The following WASHC5 variants were observed in gnomAD, a reference collection of about 807,000 sequenced individuals.
WASHC5 encodes WASH complex subunit 5, also known as WASH complex subunit strumpellin.
In WASHC5, 101 loss-of-function variants were observed where a neutral mutation model predicts 150.4. The observed-to-expected ratio is 0.67, with a 90% CI of 0.57 to 0.79. The LOEUF is 0.79. WASHC5 is among the 30% of genes least tolerant of loss of function. The pLI is 0.00. For missense variants in WASHC5, 1,195 were observed against 1,396.3 expected (o/e 0.86, Z 2.30); for synonymous variants, 467 against 491.2 (o/e 0.95, Z 0.65).
chr8:125,076,651 G>T, intron 6 of WASHC5, 151 bp from the exon 7 acceptor site: 9 of 796,446 alleles, frequency 1.1e-5, no homozygotes, highest in Non-Finnish European at 1.8e-5. Flanking sequence ...TTCTCAGACT[G>T]TACCATTGCT....
chr8:125,024,653 A>G lies in WASHC5; in HGVS notation c.3444T>C (p.Pro1148=), dbSNP rs1160883454. Residue 1148 remains proline, a synonymous_variant, in exon 29 of 29, where the codon CCT becomes CCC. Coordinates refer to ENST00000318410, the MANE Select transcript of WASHC5 (RefSeq NM_014846.4). ...TTCTGAACTCATCAAAAATGAAATT[A>G]GGCACATGTGCTTCAGCAACCTGAA... The part of the protein sequence containing the change: ...LPRRVAEAHV[P]NFIFDEFRTV... 6.2e-7 allele frequency: 1 copy of G among 1,610,732 alleles called. No individual in the cohort carries two copies. Among genetic ancestry groups the G allele is most frequent in the African/African-American group, 1.3e-5 (1 of 74,872 alleles).
At chr8:125,036,883 C>T (rs569853468) in intron 26 of WASHC5, among the ~76,000 whole-genome samples, 2 of 152,016 alleles carry the variant, frequency 1.3e-5, no homozygotes, top group South Asian at 2.1e-4. Flanking sequence ...CGTGGTAGTA[C>T]GTGCCTGTAA....
At position 125,077,295 on chromosome 8, in the gene WASHC5, C is replaced by T. The variant is rs556477356; in HGVS notation, c.712-795G>A. On this transcript the variant is annotated intron_variant, in intron 6 of 28. Transcript: ENST00000318410. ...AACCGGAATGCCTTCGCTCTTTCTC[C>T]CCTTGATGTGTTGGCCCACCTTTTC... is the stretch of plus-strand genomic sequence containing the variant. 1.6e-4 allele frequency among the ~76,000 whole-genome samples: 25 copies of T among 152,336 alleles called. No individual in the cohort carries two copies. In the South Asian group the frequency reaches 5.0e-3, roughly 30 times the overall value.
chr8:125,063,641 TGCTTGAA>T lies in WASHC5; in HGVS notation c.1282_1288del (p.Phe428LysfsTer21). On this transcript the variant is annotated frameshift_variant, in exon 11 of 29. Transcript: ENST00000318410. LOFTEE classifies it high-confidence loss of function. ...TTTGGTTTGCTTTTCTGAAAGCATT[TGCTTGAA>T]CATCTGTTGAAGCAACAGAAAATAT... is the stretch of plus-strand genomic sequence containing the variant. The T allele has an allele frequency of 6.2e-7, 1 of 1,613,878 alleles. No individual in the cohort carries two copies. Among genetic ancestry groups the T allele is most frequent in the Non-Finnish European group, 8.5e-7 (1 of 1,179,768 alleles).
In WASHC5 at chr8:125,024,753, T is replaced by C. The variant is rs1031281519; in HGVS notation, c.3424-80A>G. On this transcript the variant is annotated intron_variant, in intron 28 of 28. Coordinates refer to ENST00000318410, the MANE Select transcript of WASHC5 (RefSeq NM_014846.4). ...ATTTTCATACGTAAAAGAAAAGATA[T>C]CCTTGGAGCAAGGTGAATAATAGAA... 12 of 954,670 alleles carry C rather than the reference T, an allele frequency of 1.3e-5. No individual in the cohort carries two copies. In the Admixed American group the frequency reaches 1.4e-4, roughly 11 times the overall value. The allele number at this position is 954,670 out of a possible 1,614,324, so 59.1% of individuals were successfully genotyped here. A position where few individuals can be genotyped will look rare whatever the true frequency, so the allele number is the denominator to read the frequency against.
At position 125,079,116 on chromosome 8, in the gene WASHC5, G is replaced by GTATATATATA. The variant is rs57043871; in HGVS notation, c.519-196_519-187dup. 0.017 allele frequency among the ~76,000 whole-genome samples: 1,678 copies of GTATATATATA among 97,826 alleles called. 45 individuals carry two copies. The highest frequency in any genetic ancestry group is 0.052 in the African/African-American group (1,126 of 21,702). 64.2% of individuals were successfully genotyped at this position (97,826 alleles called of 152,430 possible). ...TGTGTATATATATGTGTGTGTGTGT[G>GTATATATATA]TATATATATATATATATATATATAC... On this transcript the variant is annotated intron_variant, in intron 5 of 28. Coordinates refer to ENST00000318410, the MANE Select transcript of WASHC5 (RefSeq NM_014846.4).
At chr8:125,044,265 TTGC>T (rs1006629917) in intron 21 of WASHC5, among the ~76,000 whole-genome samples, 171 bp from the exon 22 acceptor site, 6 of 152,208 alleles carry the variant, frequency 3.9e-5, no homozygotes, top group African/African-American at 1.4e-4. Context: ...GAAACATCCC[TTGC>T]TAGGAAAAGT....
intron 20 of WASHC5, among the ~76,000 whole-genome samples, chr8:125,046,231 C>T (rs1360201296): frequency 6.6e-6 from 1 of 152,154 alleles, no homozygotes; most frequent in East Asian, 1.9e-4. Flanking sequence ...CAGGGGTGGA[C>T]ATGAGAACCT....
Position 125,024,689 on chromosome 8 carries a change from A to C in WASHC5, c.3424-16T>G. Reference sequence around the variant, plus strand: ...CTTCAGCAACCTGAAAAATTAAAGAATTAAATTATTCATGGTGTTATAGTT... The same window carrying C: ...CTTCAGCAACCTGAAAAATTAAAGACTTAAATTATTCATGGTGTTATAGTT... On this transcript the variant is annotated splice_polypyrimidine_tract_variant and intron_variant, in intron 28 of 28. Transcript: ENST00000318410. The C allele has an allele frequency of 6.4e-7, 1 of 1,555,632 alleles. No homozygotes were observed. Among genetic ancestry groups the C allele is most frequent in the Non-Finnish European group, 8.9e-7 (1 of 1,127,030 alleles).
At chr8:125,087,817 G>C (rs1352013017) in intron 1 of WASHC5, among the ~76,000 whole-genome samples, 1 of 151,848 alleles carries the variant, frequency 6.6e-6, no homozygotes, top group African/African-American at 2.4e-5. Flanking sequence ...AAAAATGCTA[G>C]AGTGATTACA....
At chr8:125,048,736 T>C (rs907958943) in intron 19 of WASHC5, among the ~76,000 whole-genome samples, 2 of 152,180 alleles carry the variant, frequency 1.3e-5, no homozygotes, top group Non-Finnish European at 2.9e-5. Context: ...CTAAAAGTCT[T>C]TTGAACTGTT....
At position 125,063,583 on chromosome 8, in the gene WASHC5, C is replaced by G; in HGVS notation, c.1347G>C (p.Arg449=). 6.2e-7 allele frequency: 1 copy of G among 1,614,004 alleles called. No homozygotes were observed. The change falls in exon 11 of 29, where the codon CGG becomes CGC. Residue 449 remains arginine, a synonymous_variant. Coordinates refer to ENST00000318410, the MANE Select transcript of WASHC5 (RefSeq NM_014846.4). The part of the protein sequence containing the change: ...WEHYKKEGSE[R]MTELADVFSG... ...AAAAGACATCAGCAAGCTCAGTCAT[C>G]CGCTCCGAACCCTCTTTCTTGTAAT... is the stretch of plus-strand genomic sequence containing the variant.
At chr8:125,066,869 C>G (rs1348454864) in intron 10 of WASHC5, among the ~76,000 whole-genome samples, 1 of 152,218 alleles carries the variant, frequency 6.6e-6, no homozygotes, top group Non-Finnish European at 1.5e-5. Flanking sequence ...CTAACAGATC[C>G]CTTCCCCAGG....
intron 26 of WASHC5, 114 bp from the exon 27 acceptor site, chr8:125,032,508 G>A: frequency 3.4e-6 from 4 of 1,191,688 alleles, no homozygotes; most frequent in Non-Finnish European, 5.0e-6. Context: ...GCTGGCAGAT[G>A]ATATTTTGGA....
chr8:125,049,559 A>ATC, intron 18 of WASHC5, among the ~76,000 whole-genome samples: 2 of 134,000 alleles, frequency 1.5e-5, no homozygotes, highest in South Asian at 2.5e-4. Flanking sequence ...TTAATCTTAA[A>ATC]AAAATAAAAA....
intron 9 of WASHC5, among the ~76,000 whole-genome samples, chr8:125,068,200 T>C (rs1268351379): frequency 6.6e-6 from 1 of 152,198 alleles, no homozygotes; most frequent in Non-Finnish European, 1.5e-5. Context: ...GAACTTGAAT[T>C]TCACGAAGAG....
At position 125,044,685 on chromosome 8, in the gene WASHC5, T is replaced by C. The variant is rs1816006119; in HGVS notation, c.2518A>G (p.Ile840Val). ...RITDPKMTCH[I>V]DQLNTWYDMK... is the part of the protein sequence containing the mutation. ...TCATACCAAGTGTTCAGCTGGTCTA[T>C]GTGACATGTCATTCTAAAATGAAAA... Residue 840 changes from isoleucine (I) to valine (V), a missense_variant, in exon 21 of 29, where the codon ATA (isoleucine) becomes GTA (valine). Physicochemically the swap from Ile to Val is conservative, Grantham distance 29 (BLOSUM62 3). Around this residue, in one of 3 missense-constraint regions of WASHC5, gnomAD observed 997 missense variants for 1,168.1 expected, o/e 0.85. Transcript: ENST00000318410. The C allele has an allele frequency of 1.2e-6, 2 of 1,614,064 alleles. No individual in the cohort carries two copies.
chr8:125,028,731 C>A, intron 27 of WASHC5, 24 bp from the exon 28 acceptor site: 2 of 1,509,880 alleles, frequency 1.3e-6, no homozygotes, highest in South Asian at 2.3e-5. Flanking sequence ...CAGTTTAGAT[C>A]AATTAACTGC....
rs765078308 is a variant in WASHC5, at chr8:125,076,398, G to T, written c.814C>A (p.His272Asn). 1 of 1,613,918 alleles carries T rather than the reference G, an allele frequency of 6.2e-7. No homozygotes were observed. Among genetic ancestry groups the T allele is most frequent in the Non-Finnish European group, 8.5e-7 (1 of 1,179,910 alleles). The change falls in exon 7 of 29, where the codon CAT (histidine) becomes AAT (asparagine). Residue 272 changes from histidine (H) to asparagine (N), a missense_variant. Coordinates refer to ENST00000318410, the MANE Select transcript of WASHC5 (RefSeq NM_014846.4). ...LYFEPSILHT[H>N]QAKMREIVDK... ...ACTATCTCTCTCATTTTTGCTTGAT[G>T]GGTGTGAAGGATGGAAGGCTCAAAG...
Sources: gnomAD v4.1 joint callset for allele counts (sites outside exome capture counted in the v4.1 genomes callset) on GRCh38, gnomAD v4.1.1 for gene constraint, gnomAD v4.1.1 regional missense constraint, MANE v1.5 for transcripts, NCBI Gene and HGNC (gene_info 2026-07-23, HGNC 2026-07-21) for gene names.